ARHGAP24: variants seen among roughly 807,000 people sequenced by gnomAD.
The protein encoded by ARHGAP24 is rho GTPase-activating protein 24.
ARHGAP24 carries 50 observed loss-of-function variants against 76.4 expected under a neutral mutation model. The observed-to-expected ratio is 0.65, with a 90% CI of 0.52 to 0.83. The LOEUF (loss-of-function observed/expected upper bound fraction) is 0.83. Among genes scored for constraint, ARHGAP24 ranks in the 40% least tolerant of loss-of-function variants. The probability of loss-of-function intolerance (pLI) is 0.00; values close to 1 mark genes in which losing one functional copy is unlikely to be tolerated. For synonymous variants in ARHGAP24, 345 were observed against 323.3 expected, an observed-to-expected ratio of 1.07 and a Z score of -0.72; for missense variants, 930 against 914.2, an observed-to-expected ratio of 1.02 and a Z score of -0.22.
intron 2 of ARHGAP24, among the ~76,000 whole-genome samples, chr4:85,588,091 G>A (rs1248328332): frequency 2.0e-5 from 3 of 152,136 alleles, no homozygotes; most frequent in Non-Finnish European, 4.4e-5. Flanking sequence ...AGGGAAAACA[G>A]GCCTGTGGGC....
At chr4:85,543,315 A>G (rs1725783700) in intron 1 of ARHGAP24, among the ~76,000 whole-genome samples, 1 of 152,186 alleles carries the variant, frequency 6.6e-6, no homozygotes, top group Non-Finnish European at 1.5e-5. Flanking sequence ...CTGAGAGGTG[A>G]GCCTCTAGAA....
chr4:85,548,958 C>T (rs1726021723), intron 1 of ARHGAP24, among the ~76,000 whole-genome samples: 1 of 152,028 alleles, frequency 6.6e-6, no homozygotes, highest in Non-Finnish European at 1.5e-5. Flanking sequence ...ATTATAATGA[C>T]TGCTGGATTT....
At chr4:85,909,499 C>T (rs1019607066) in intron 3 of ARHGAP24, among the ~76,000 whole-genome samples, 1 of 152,066 alleles carries the variant, frequency 6.6e-6, no homozygotes, top group Non-Finnish European at 1.5e-5. Flanking sequence ...AGCAATATGC[C>T]TGTTGAATTG....
chr4:85,804,344 A>T (rs955433085), intron 3 of ARHGAP24, among the ~76,000 whole-genome samples: 8 of 152,208 alleles, frequency 5.3e-5, no homozygotes, highest in South Asian at 2.1e-4. Context: ...CAGGTACTGT[A>T]CTTGGATCAT....
intron 3 of ARHGAP24, among the ~76,000 whole-genome samples, chr4:85,734,652 T>G (rs1725538935): frequency 6.7e-6 from 1 of 148,816 alleles, no homozygotes; most frequent in South Asian, 2.1e-4. Context: ...TTTTTTTTTT[T>G]TTTTTTTAGC....
chr4:85,619,922 A>G (rs1284208225), intron 2 of ARHGAP24, among the ~76,000 whole-genome samples: 5 of 151,848 alleles, frequency 3.3e-5, no homozygotes, highest in East Asian at 3.9e-4. Context: ...TGAAATGATC[A>G]TATAATTTTA....
At chr4:85,642,396 T>C (rs767251419) in intron 2 of ARHGAP24, among the ~76,000 whole-genome samples, 3 of 152,118 alleles carry the variant, frequency 2.0e-5, no homozygotes, top group Non-Finnish European at 2.9e-5. Flanking sequence ...TCTAGACTTG[T>C]TCAACTTCTT....
chr4:85,665,772 T>C (rs1412639994), intron 2 of ARHGAP24, among the ~76,000 whole-genome samples: 1 of 152,224 alleles, frequency 6.6e-6, no homozygotes, highest in Non-Finnish European at 1.5e-5. Context: ...CCTTCACTTA[T>C]GAAGCTTAGT....
chr4:85,882,174 G>GA (rs33938171), intron 3 of ARHGAP24, among the ~76,000 whole-genome samples: 133,447 of 152,086 alleles, frequency 0.88, 58,623 homozygotes, highest in East Asian at 0.99. Flanking sequence ...ATAGGCTTCA[G>GA]AACTAGATAT....
intron 2 of ARHGAP24, among the ~76,000 whole-genome samples, chr4:85,631,506 A>G (rs1170891804): frequency 1.3e-5 from 2 of 152,110 alleles, no homozygotes; most frequent in Non-Finnish European, 2.9e-5. Flanking sequence ...AAACTTTTCT[A>G]GCCTTTTCTC....
intron 3 of ARHGAP24, among the ~76,000 whole-genome samples, chr4:85,839,885 T>A (rs1730502118): frequency 7.7e-6 from 1 of 130,658 alleles, no homozygotes; most frequent in Admixed American, 8.1e-5. Flanking sequence ...AGTCTTGCTC[T>A]ATCACCCAGG....
At chr4:85,814,026 A>C (rs1407082158) in intron 3 of ARHGAP24, among the ~76,000 whole-genome samples, 1 of 151,860 alleles carries the variant, frequency 6.6e-6, no homozygotes, top group Non-Finnish European at 1.5e-5. Context: ...AGAGAATGAG[A>C]GCCAAGAGAA....
At chr4:85,898,055 A>G (rs1734296068) in intron 3 of ARHGAP24, among the ~76,000 whole-genome samples, 1 of 141,168 alleles carries the variant, frequency 7.1e-6, no homozygotes, top group African/African-American at 2.6e-5. Flanking sequence ...ATATATATAT[A>G]TATAATTATT....
rs1390875584 is a variant in ARHGAP24, at chr4:85,622,274, G to A, written c.180+51553G>A. 2.6e-5 allele frequency among the ~76,000 whole-genome samples: 3 copies of A among 116,662 alleles called. No individual in the cohort carries two copies. The Admixed American group carries it at 3.7e-4, about 14-fold the overall frequency. The allele number at this position is 116,662 out of a possible 152,430, so 76.5% of individuals were successfully genotyped here. ...CCCCCCACCCCAAACAGTCCCCGGTGTGTGATGTTCCCCTTCCTGTGTCCA... is the reference window on the plus strand; with the variant it reads ...CCCCCCACCCCAAACAGTCCCCGGTATGTGATGTTCCCCTTCCTGTGTCCA... On this transcript the variant is annotated intron_variant, in intron 2 of 9. Transcript: ENST00000395184.
intron 1 of ARHGAP24, among the ~76,000 whole-genome samples, chr4:85,531,234 G>T (rs985790627): frequency 2.0e-5 from 3 of 152,004 alleles, no homozygotes; most frequent in Non-Finnish European, 4.4e-5. Flanking sequence ...CAACTTATGG[G>T]AGAGGACATT....
At chr4:85,698,008 AAAGCAAGATT>A (rs1017191229) in intron 2 of ARHGAP24, among the ~76,000 whole-genome samples, 4 of 152,226 alleles carry the variant, frequency 2.6e-5, no homozygotes, top group Non-Finnish European at 4.4e-5. Flanking sequence ...TATTATTTGT[AAAGCAAGATT>A]AAGCAAGAAG....
chr4:85,686,200 A>T (rs1723417492), intron 2 of ARHGAP24, among the ~76,000 whole-genome samples: 1 of 152,214 alleles, frequency 6.6e-6, no homozygotes, highest in Non-Finnish European at 1.5e-5. Flanking sequence ...AGCTAAAGTC[A>T]AGTACCCAAC....
intron 3 of ARHGAP24, among the ~76,000 whole-genome samples, chr4:85,797,152 ATTTT>A (rs758994539): frequency 2.9e-5 from 4 of 136,626 alleles, no homozygotes; most frequent in Non-Finnish European, 4.9e-5. Context: ...AGGAAAAAAA[ATTTT>A]TTTTGTTTTT....
rs139168946 is a variant in ARHGAP24 at position 85,538,065 on chromosome 4, C to T, written c.-20-32457C>T. ...TCATTGGTGCCACTTTGGGAGAAAGCCACTTATGCTTTACCCTGGTAATCA... is the reference window on the plus strand; with the variant it reads ...TCATTGGTGCCACTTTGGGAGAAAGTCACTTATGCTTTACCCTGGTAATCA... On this transcript the variant is annotated intron_variant, in intron 1 of 9. Transcript: ENST00000395184. 9.0e-4 allele frequency among the ~76,000 whole-genome samples: 136 copies of T among 150,972 alleles called. 1 individual carries two copies. The highest frequency in any genetic ancestry group is 3.0e-3 in the African/African-American group (122 of 41,122).
Sources: allele counts gnomAD v4.1 joint callset (sites outside exome capture counted in the v4.1 genomes callset), GRCh38; gene constraint gnomAD v4.1.1; transcripts MANE v1.5; gene names NCBI Gene and HGNC (gene_info 2026-07-23, HGNC 2026-07-21).